Variants in TRDMT1 observed in about 807,000 individuals in gnomAD.
TRDMT1 encodes the protein tRNA aspartic acid methyltransferase 1, also known as tRNA (cytosine(38)-C(5))-methyltransferase.
In TRDMT1, 49 loss-of-function variants were observed where a neutral mutation model predicts 51.2. The observed-to-expected ratio is 0.96, with a 90% CI of 0.76 to 1.21. The LOEUF is 1.21. Among genes scored for constraint, TRDMT1 ranks in the 50% most tolerant of loss-of-function variants. The pLI is 0.00. For synonymous variants in TRDMT1, 187 were observed against 164.6 expected (o/e 1.14, Z -1.04); for missense variants, 534 against 462.3 (o/e 1.16, Z -1.42).
At chr10:17,185,031 A>C (rs1843708054) in intron 1 of TRDMT1, among the ~76,000 whole-genome samples, 3 of 152,160 alleles carry the variant, frequency 2.0e-5, no homozygotes, top group Non-Finnish European at 4.4e-5. Context: ...TGTGTCTTTA[A>C]GCCTCAGTAT....
intron 1 of TRDMT1, among the ~76,000 whole-genome samples, chr10:17,191,086 C>T (rs1564341443): frequency 6.6e-6 from 1 of 152,094 alleles, no homozygotes; most frequent in Non-Finnish European, 1.5e-5. Context: ...ACAGCAAAGG[C>T]CCAGAGATGG....
chr10:17,161,564 C>A lies in TRDMT1; in HGVS notation c.324-16G>T, dbSNP rs1840362224. 5.0e-6 allele frequency: 6 copies of A among 1,194,448 alleles called. No homozygotes were observed. Among genetic ancestry groups the A allele is most frequent in the South Asian group, 3.2e-5 (2 of 62,830 alleles). The allele number at this position is 1,194,448 out of a possible 1,614,324, so 74.0% of individuals were successfully genotyped here. On this transcript the variant is annotated splice_polypyrimidine_tract_variant and intron_variant, in intron 4 of 10. Coordinates refer to ENST00000377799, the MANE Select transcript of TRDMT1 (RefSeq NM_004412.7). ...TTTTTGTAATCTATAAAAAAATAAA[C>A]AAATGGAATTCTAAATATCTCATTA...
rs542469824 is a variant in TRDMT1 at position 17,151,990 on chromosome 10, G to C, written c.1075+1517C>G. The C allele has an allele frequency of 3.0e-4, 384 of 1,290,588 alleles. 2 individuals carry two copies. The African/African-American group carries it at 5.5e-3, about 18-fold the overall frequency. The allele number at this position is 1,290,588 out of a possible 1,614,324, so 79.9% of individuals were successfully genotyped here. On this transcript the variant is annotated intron_variant, in intron 10 of 10. Transcript: ENST00000377799. ...CTTACCAAGGTTCAGTATTACCAAA[G>C]TGACTACTGCCCTTTGAAAACAAAA...
At chr10:17,195,623 C>G (rs1845300889) in intron 1 of TRDMT1, among the ~76,000 whole-genome samples, 1 of 151,972 alleles carries the variant, frequency 6.6e-6, no homozygotes, top group Non-Finnish European at 1.5e-5. Flanking sequence ...AAAATTTACC[C>G]CTAACCCCAA....
At chr10:17,154,651 T>A (rs566295441) in intron 9 of TRDMT1, 26 bp downstream of exon 9, 2 of 1,552,438 alleles carry the variant, frequency 1.3e-6, no homozygotes, top group South Asian at 1.3e-5. Flanking sequence ...TTTTAAAGTG[T>A]TTTAGCTTTA....
chr10:17,165,762 A>G (rs1841113110), intron 3 of TRDMT1, among the ~76,000 whole-genome samples: 1 of 152,254 alleles, frequency 6.6e-6, no homozygotes, highest in African/African-American at 2.4e-5. Context: ...CAAAAGACAC[A>G]TGAAAAAATG....
At chr10:17,151,884 A>G in intron 10 of TRDMT1, 2 of 1,062,610 alleles carry the variant, frequency 1.9e-6, no homozygotes, top group Non-Finnish European at 1.2e-6. Flanking sequence ...CTCATTTTAC[A>G]GAGAAGTAAA....
chr10:17,198,528 C>T (rs891471946), intron 1 of TRDMT1, among the ~76,000 whole-genome samples: 2 of 152,132 alleles, frequency 1.3e-5, no homozygotes, highest in African/African-American at 4.8e-5. Flanking sequence ...AGACATTATT[C>T]TAAGTGAAAT....
intron 1 of TRDMT1, among the ~76,000 whole-genome samples, chr10:17,177,716 A>ACACACACACACG (rs1842782243): frequency 6.8e-6 from 1 of 146,754 alleles, no homozygotes; most frequent in Non-Finnish European, 1.5e-5. Flanking sequence ...GACAAGAAAC[A>ACACACACACACG]CACACACACA....
intron 8 of TRDMT1, among the ~76,000 whole-genome samples, chr10:17,155,137 C>T (rs376629169): frequency 2.6e-5 from 4 of 152,006 alleles, no homozygotes; most frequent in African/African-American, 9.7e-5. Context: ...TCTCTTGAAC[C>T]TGGGAGGCGG....
intron 1 of TRDMT1, among the ~76,000 whole-genome samples, chr10:17,196,085 G>A (rs1161932975): frequency 6.6e-6 from 1 of 152,192 alleles, no homozygotes; most frequent in African/African-American, 2.4e-5. Flanking sequence ...TTACAAGCTG[G>A]TCTAGTAGAC....
intron 1 of TRDMT1, among the ~76,000 whole-genome samples, chr10:17,187,392 C>T (rs149552977): frequency 2.0e-5 from 3 of 152,140 alleles, no homozygotes; most frequent in African/African-American, 4.8e-5. Context: ...GTCACAGAGA[C>T]GTTACTGAAT....
chr10:17,188,053 TAC>T (rs1387632168), intron 1 of TRDMT1, among the ~76,000 whole-genome samples: 1 of 113,892 alleles, frequency 8.8e-6, no homozygotes, highest in African/African-American at 3.1e-5. Context: ...AACTTAATTT[TAC>T]TAATGTTTTA....
At chr10:17,165,083 C>A (rs1449099165) in intron 3 of TRDMT1, among the ~76,000 whole-genome samples, 2 of 152,106 alleles carry the variant, frequency 1.3e-5, no homozygotes, top group African/African-American at 2.4e-5. Context: ...GCCAAAAGAA[C>A]GAAGCTGGAG....
chr10:17,172,715 T>C (rs150852509), intron 2 of TRDMT1, among the ~76,000 whole-genome samples: 31 of 152,284 alleles, frequency 2.0e-4, no homozygotes, highest in African/African-American at 7.5e-4. Flanking sequence ...TATAGATAAA[T>C]ATAAAAGACT....
chr10:17,157,786 T>C lies in TRDMT1; in HGVS notation c.544-2A>G. ...AATTTTGGGGAACTCCATCAGTACCTGGCATTACATAAAAATACACAAATT... is the reference window on the plus strand; with the variant it reads ...AATTTTGGGGAACTCCATCAGTACCCGGCATTACATAAAAATACACAAATT... On this transcript the variant is annotated splice_acceptor_variant, in intron 7 of 10. Coordinates refer to ENST00000377799, the MANE Select transcript of TRDMT1 (RefSeq NM_004412.7). LOFTEE classifies it high-confidence loss of function. 1 of 1,552,096 alleles carries C rather than the reference T, an allele frequency of 6.4e-7. No individual in the cohort carries two copies. The highest frequency in any genetic ancestry group is 8.7e-7 in the Non-Finnish European group (1 of 1,152,328).
At chr10:17,154,094 T>C (rs2038577) in intron 9 of TRDMT1, among the ~76,000 whole-genome samples, 20,856 of 152,188 alleles carry the variant, frequency 0.14, 1,520 homozygotes, top group Admixed American at 0.17. Context: ...CAAATCCAGA[T>C]ATTCAATTGC....
At chr10:17,171,702 G>C (rs1010615542) in intron 2 of TRDMT1, 2 of 152,054 alleles carry the variant, frequency 1.3e-5, no homozygotes, top group Non-Finnish European at 2.9e-5. Flanking sequence ...TTCCCACTCC[G>C]ATTACATTAT....
rs1838133494 is a variant in TRDMT1 at position 17,146,619 on chromosome 10, G to C, written c.*2421C>G. On this transcript the variant is annotated 3_prime_UTR_variant, in exon 11 of 11. Coordinates refer to ENST00000377799, the MANE Select transcript of TRDMT1 (RefSeq NM_004412.7). ...CCGTTTAAAAGAGCAGGGATGATGG[G>C]AAAAGGAGAACGAAAAATCGGTTTA... The C allele has an allele frequency of 1.0e-6, 1 of 985,186 alleles. No homozygotes were observed. Among genetic ancestry groups the C allele is most frequent in the Non-Finnish European group, 1.2e-6 (1 of 829,850 alleles). 61.0% of individuals were successfully genotyped at this position (985,186 alleles called of 1,614,324 possible).
Sources: gnomAD v4.1 joint callset for allele counts (sites outside exome capture counted in the v4.1 genomes callset) on GRCh38, gnomAD v4.1.1 for gene constraint, MANE v1.5 for transcripts, NCBI Gene and HGNC (gene_info 2026-07-23, HGNC 2026-07-21) for gene names.